CNTNAP3B: variants seen among roughly 807,000 people sequenced by gnomAD.
The protein encoded by CNTNAP3B is contactin-associated protein-like 3B.
Under a neutral mutation model 108.9 loss-of-function variants are expected in CNTNAP3B, and 25 were observed. That is an observed-to-expected ratio of 0.23 (90% CI 0.17 to 0.32). The LOEUF is 0.32. Ranked by LOEUF, CNTNAP3B falls within the 10% of genes least tolerant of loss-of-function variation. The pLI is 1.00. For missense variants in CNTNAP3B, 252 were observed against 1,210.4 expected, an observed-to-expected ratio of 0.21 and a Z score of 11.75; for synonymous variants, 103 against 473.4, an observed-to-expected ratio of 0.22 and a Z score of 10.16.
At chr9:42,068,107 A>T (rs1827312999) in intron 3 of CNTNAP3B, among the ~76,000 whole-genome samples, 1 of 129,074 alleles carries the variant, frequency 7.7e-6, no homozygotes, top group African/African-American at 3.2e-5. Context: ...CTGATTTGTC[A>T]ATGTCACTGA....
intron 1 of CNTNAP3B, among the ~76,000 whole-genome samples, chr9:42,111,725 T>C (rs1828196434): frequency 7.2e-6 from 1 of 138,706 alleles, no homozygotes; most frequent in South Asian, 2.3e-4. Context: ...CACCCTTATC[T>C]TCCCTCTACA....
rs1455614347 is a variant in CNTNAP3B, at chr9:42,056,113, A to G, written c.390+20756T>C. 3.9e-5 allele frequency among the ~76,000 whole-genome samples: 5 copies of G among 129,042 alleles called. No individual in the cohort carries two copies. The East Asian group carries it at 1.2e-3, about 31-fold the overall frequency. 84.7% of individuals were successfully genotyped at this position (129,042 alleles called of 152,430 possible). On this transcript the variant is annotated intron_variant, in intron 3 of 23. Coordinates refer to ENST00000377561, the MANE Select transcript of CNTNAP3B (RefSeq NM_001201380.3). ...TAACCTGAGCATTATGCTGAGCAAT[A>G]ATATCCATAATATTGCATGTTTCCA...
intron 9 of CNTNAP3B, among the ~76,000 whole-genome samples, chr9:41,972,524 A>AG (rs1825439057): frequency 7.2e-6 from 1 of 138,680 alleles, no homozygotes; most frequent in Non-Finnish European, 1.5e-5. Flanking sequence ...CTGAAGCTTT[A>AG]TCTCTTTAAC....
At chr9:41,995,962 G>T (rs898342547) in intron 7 of CNTNAP3B, among the ~76,000 whole-genome samples, 4 of 144,654 alleles carry the variant, frequency 2.8e-5, no homozygotes, top group Non-Finnish European at 6.0e-5. Context: ...CTTGAACCTG[G>T]GAGGCGTAAG....
At chr9:41,966,565 G>T (rs1205214029) in intron 10 of CNTNAP3B, among the ~76,000 whole-genome samples, 4 of 152,228 alleles carry the variant, frequency 2.6e-5, no homozygotes, top group Non-Finnish European at 5.9e-5. Context: ...TGCTCAGGGA[G>T]CCCCAGTTGG....
Position 42,027,691 on chromosome 9 carries a change from G to A in CNTNAP3B, c.391-14166C>T, listed in dbSNP as rs1208380239. Among the ~76,000 whole-genome samples the A allele has an allele frequency of 1.0e-4, 12 of 116,034 alleles. 2 individuals are homozygous for A. Among genetic ancestry groups the A allele is most frequent in the Non-Finnish European group, 1.9e-4 (11 of 57,184 alleles). The allele number at this position is 116,034 out of a possible 152,430, so 76.1% of individuals were successfully genotyped here. On this transcript the variant is annotated intron_variant, in intron 3 of 23. Coordinates refer to ENST00000377561, the MANE Select transcript of CNTNAP3B (RefSeq NM_001201380.3). ...TAAATGTCTCTCATTCGTTCTGAAT[G>A]TAATAATGTGCTTAATTTTATGTCT...
intron 13 of CNTNAP3B, among the ~76,000 whole-genome samples, chr9:41,942,255 C>G (rs1219118851): frequency 3.3e-5 from 5 of 152,254 alleles, no homozygotes; most frequent in Admixed American, 6.5e-5. Context: ...GCGGGCAGAT[C>G]ATGAGGTCAG....
At chr9:41,992,179 C>T (rs1825821419) in intron 7 of CNTNAP3B, among the ~76,000 whole-genome samples, 1 of 120,184 alleles carries the variant, frequency 8.3e-6, no homozygotes, top group African/African-American at 3.5e-5. Context: ...ATTTTCCAGG[C>T]CCTGTGCTAG....
rs1308194464 is a variant in CNTNAP3B, at chr9:42,094,360, C to A, written c.196+10269G>T. Among the ~76,000 whole-genome samples the A allele has an allele frequency of 1.4e-4, 18 of 128,454 alleles. 2 individuals carry two copies. The highest frequency in any genetic ancestry group is 9.6e-5 in the African/African-American group (3 of 31,308). 84.3% of individuals were successfully genotyped at this position (128,454 alleles called of 152,430 possible). On this transcript the variant is annotated intron_variant, in intron 2 of 23. Coordinates refer to ENST00000377561, the MANE Select transcript of CNTNAP3B (RefSeq NM_001201380.3). ...AAGCGTTGCATTTAAAAAAAAAAAACAAAGAGGGCGGGGGCTGGGTATGGT... is the reference window on the plus strand; with the variant it reads ...AAGCGTTGCATTTAAAAAAAAAAAAAAAAGAGGGCGGGGGCTGGGTATGGT...
chr9:42,120,424 A>G (rs1828434355), intron 1 of CNTNAP3B, among the ~76,000 whole-genome samples: 2 of 138,288 alleles, frequency 1.4e-5, no homozygotes, highest in Non-Finnish European at 3.1e-5. Context: ...GCAATTCCTC[A>G]GGGATCTAGA....
At chr9:41,954,176 G>C (rs1824786582) in intron 12 of CNTNAP3B, among the ~76,000 whole-genome samples, 1 of 152,278 alleles carries the variant, frequency 6.6e-6, no homozygotes, top group Non-Finnish European at 1.5e-5. Context: ...GATGTATTTA[G>C]AATAATGGAC....
chr9:42,107,671 C>T (rs1189754484), intron 1 of CNTNAP3B, among the ~76,000 whole-genome samples: 44 of 135,814 alleles, frequency 3.2e-4, no homozygotes, highest in Non-Finnish European at 4.2e-4. Flanking sequence ...TTGAATAAAT[C>T]TTGCCCTTCA....
At chr9:41,950,433 C>A (rs551135774) in intron 13 of CNTNAP3B, among the ~76,000 whole-genome samples, 25 of 134,554 alleles carry the variant, frequency 1.9e-4, no homozygotes, top group Non-Finnish European at 1.3e-4. Flanking sequence ...AACCTGTACA[C>A]AATGTTCATA....
intron 14 of CNTNAP3B, among the ~76,000 whole-genome samples, chr9:41,932,865 C>A (rs1426937345): frequency 6.6e-6 from 1 of 152,266 alleles, no homozygotes; most frequent in Non-Finnish European, 1.5e-5. Context: ...ATAATAAAAT[C>A]ATTATGATCC....
intron 12 of CNTNAP3B, among the ~76,000 whole-genome samples, chr9:41,958,386 T>C (rs1824943292): frequency 1.3e-5 from 2 of 152,290 alleles, no homozygotes; most frequent in African/African-American, 4.8e-5. Context: ...TCTAAGGCTA[T>C]CTTCCCTCCT....
intron 3 of CNTNAP3B, among the ~76,000 whole-genome samples, chr9:42,037,447 G>C (rs1439753460): frequency 1.5e-5 from 2 of 129,618 alleles, no homozygotes; most frequent in Non-Finnish European, 3.2e-5. Context: ...TGACCTGATG[G>C]AGCAGAAACC....
rs975137253 is a variant in CNTNAP3B, at chr9:41,986,413, G to A, written c.1334-102C>T. 1.6e-5 allele frequency: 16 copies of A among 996,984 alleles called. No individual in the cohort carries two copies. The African/African-American group carries it at 2.3e-4, about 14-fold the overall frequency. 61.8% of individuals were successfully genotyped at this position (996,984 alleles called of 1,614,324 possible). A position where few individuals can be genotyped will look rare whatever the true frequency, so the allele number is the denominator to read the frequency against. ...TCACTGAATAAGTCAGAGAAGAGTGGTATTTACATGTTCATGTATCACTGA... is the reference window on the plus strand; with the variant it reads ...TCACTGAATAAGTCAGAGAAGAGTGATATTTACATGTTCATGTATCACTGA... On this transcript the variant is annotated intron_variant, in intron 8 of 23. Transcript: ENST00000377561.
At position 42,080,523 on chromosome 9, in the gene CNTNAP3B, G is replaced by T. The variant is rs1827591310; in HGVS notation, c.197-3461C>A. Among the ~76,000 whole-genome samples, 2 of 137,412 alleles carry T rather than the reference G, an allele frequency of 1.5e-5. 1 individual carries two copies. Among genetic ancestry groups the T allele is most frequent in the Admixed American group, 1.5e-4 (2 of 13,772 alleles). 90.1% of individuals were successfully genotyped at this position (137,412 alleles called of 152,430 possible). ...ACTGCTGGATAGCACTAATCTGTGT[G>T]CCTTTGTTAAAGGCAGCTTTGATGG... On this transcript the variant is annotated intron_variant, in intron 2 of 23. Transcript: ENST00000377561.
intron 14 of CNTNAP3B, among the ~76,000 whole-genome samples, chr9:41,933,050 C>T (rs1449597290): frequency 1.3e-5 from 2 of 152,300 alleles, no homozygotes; most frequent in African/African-American, 4.8e-5. Flanking sequence ...ATCCTTTCAT[C>T]CTTAATTTCC....
Sources: gnomAD v4.1 joint callset for allele counts (sites outside exome capture counted in the v4.1 genomes callset) on GRCh38, gnomAD v4.1.1 for gene constraint, MANE v1.5 for transcripts, NCBI Gene and HGNC (gene_info 2026-07-23, HGNC 2026-07-21) for gene names.